Variants in DGKB observed in about 807,000 individuals in gnomAD.
DGKB encodes the protein diacylglycerol kinase beta.
DGKB carries 67 observed loss-of-function variants against 114.3 expected under a neutral mutation model. The observed-to-expected ratio is 0.59, with a 90% CI of 0.48 to 0.72. The LOEUF (loss-of-function observed/expected upper bound fraction) is 0.72. Among genes scored for constraint, DGKB ranks in the 30% least tolerant of loss-of-function variants. The pLI is 0.00. For missense variants in DGKB, 907 were observed against 975.2 expected, an observed-to-expected ratio of 0.93 and a Z score of 0.93; for synonymous variants, 398 against 323.1, an observed-to-expected ratio of 1.23 and a Z score of -2.49.
chr7:14,974,531 T>C (rs963238377), intron 1 of DGKB, among the ~76,000 whole-genome samples: 2 of 152,126 alleles, frequency 1.3e-5, no homozygotes, highest in Non-Finnish European at 2.9e-5. Flanking sequence ...ATCTAGACTA[T>C]TTGTTCCTAT....
At chr7:14,554,136 T>A (rs1192302824) in intron 20 of DGKB, among the ~76,000 whole-genome samples, 2 of 152,086 alleles carry the variant, frequency 1.3e-5, no homozygotes, top group Non-Finnish European at 2.9e-5. Context: ...CCTCCCAAAG[T>A]GCTGGGATTA....
At chr7:14,655,757 C>T (rs1025771840) in intron 13 of DGKB, among the ~76,000 whole-genome samples, 13 of 151,480 alleles carry the variant, frequency 8.6e-5, no homozygotes, top group South Asian at 2.1e-4. Context: ...ACCTGAAGGG[C>T]ATTATGTTAA....
intron 21 of DGKB, among the ~76,000 whole-genome samples, chr7:14,424,932 G>A (rs1326809632): frequency 6.6e-6 from 1 of 152,026 alleles, no homozygotes; most frequent in South Asian, 2.1e-4. Context: ...GATAAGATGA[G>A]TTCACTCTCC....
rs115997759 is a variant in DGKB at position 14,876,009 on chromosome 7, A to G, written c.-188+26583T>C. Among the ~76,000 whole-genome samples, 859 of 152,210 alleles carry G rather than the reference A, an allele frequency of 5.6e-3. 10 individuals are homozygous for G. The highest frequency in any genetic ancestry group is 0.02 in the African/African-American group (818 of 41,528). Reference sequence around the variant, plus strand: ...GGTAAAAAATAAGACCTTTATCACTATCCTGTCTACATTTCTGCCTTTGAG... The same window carrying G: ...GGTAAAAAATAAGACCTTTATCACTGTCCTGTCTACATTTCTGCCTTTGAG... On this transcript the variant is annotated intron_variant, in intron 1 of 25. Coordinates refer to ENST00000402815, the MANE Select transcript of DGKB (RefSeq NM_001350709.2).
At chr7:14,705,458 A>T (rs1826029400) in intron 6 of DGKB, among the ~76,000 whole-genome samples, 1 of 151,648 alleles carries the variant, frequency 6.6e-6, no homozygotes, top group Admixed American at 6.6e-5. Flanking sequence ...GATTCAGGAA[A>T]TACAGAGAAC....
intron 23 of DGKB, among the ~76,000 whole-genome samples, chr7:14,243,378 TA>T (rs1793967272): frequency 6.6e-6 from 1 of 152,152 alleles, no homozygotes; most frequent in Admixed American, 6.5e-5. Context: ...GAGTAAGTGA[TA>T]AAAACTTGTG....
At chr7:14,469,477 G>A (rs1024674728) in intron 21 of DGKB, among the ~76,000 whole-genome samples, 2 of 151,946 alleles carry the variant, frequency 1.3e-5, no homozygotes, top group Admixed American at 6.6e-5. Context: ...AAAAAGGAAG[G>A]GAGAAAAGTT....
At chr7:14,458,256 A>T (rs1312957130) in intron 21 of DGKB, among the ~76,000 whole-genome samples, 1 of 152,184 alleles carries the variant, frequency 6.6e-6, no homozygotes, top group Non-Finnish European at 1.5e-5. Flanking sequence ...AAATTTAATA[A>T]ATTCTTATGA....
At chr7:14,451,628 T>C (rs1322178611) in intron 21 of DGKB, among the ~76,000 whole-genome samples, 1 of 151,968 alleles carries the variant, frequency 6.6e-6, no homozygotes, top group Non-Finnish European at 1.5e-5. Flanking sequence ...AATACTCCTA[T>C]GTTATAAGAA....
chr7:14,695,245 G>A (rs1173120845), intron 8 of DGKB, among the ~76,000 whole-genome samples: 5 of 152,186 alleles, frequency 3.3e-5, no homozygotes, highest in Admixed American at 1.3e-4. Context: ...TAGTAGAAAT[G>A]TATCAATCAT....
At chr7:14,294,721 C>T (rs1277445058) in intron 23 of DGKB, among the ~76,000 whole-genome samples, 1 of 152,068 alleles carries the variant, frequency 6.6e-6, no homozygotes, top group East Asian at 1.9e-4. Flanking sequence ...TTTGTTGCAA[C>T]CTATTATCTG....
At chr7:14,337,797 C>T (rs932894867) in intron 23 of DGKB, among the ~76,000 whole-genome samples, 1 of 152,066 alleles carries the variant, frequency 6.6e-6, no homozygotes, top group African/African-American at 2.4e-5. Flanking sequence ...GAATTACATA[C>T]ATAAACTATT....
At chr7:14,935,591 C>G (rs982894876) in intron 1 of DGKB, among the ~76,000 whole-genome samples, 2 of 152,072 alleles carry the variant, frequency 1.3e-5, no homozygotes, top group Admixed American at 1.3e-4. Context: ...AAAATAGTTA[C>G]TATGTACATG....
chr7:14,666,841 A>G (rs1818115703), intron 13 of DGKB, among the ~76,000 whole-genome samples: 1 of 152,020 alleles, frequency 6.6e-6, no homozygotes, highest in African/African-American at 2.4e-5. Context: ...TAAATCACAC[A>G]TTAAATAAAT....
chr7:14,695,449 T>C (rs1823650913), intron 8 of DGKB, among the ~76,000 whole-genome samples: 1 of 150,382 alleles, frequency 6.6e-6, no homozygotes, highest in Non-Finnish European at 1.5e-5. Flanking sequence ...TCTTCCCTAC[T>C]ACTATTGTAA....
chr7:14,797,554 T>A (rs1841568659), intron 2 of DGKB, among the ~76,000 whole-genome samples: 1 of 152,190 alleles, frequency 6.6e-6, no homozygotes, highest in Non-Finnish European at 1.5e-5. Context: ...ATCAGGCTTT[T>A]TCAGAGGCTC....
chr7:14,629,308 A>G (rs1809238122), intron 14 of DGKB, among the ~76,000 whole-genome samples: 2 of 152,092 alleles, frequency 1.3e-5, no homozygotes, highest in South Asian at 4.1e-4. Flanking sequence ...CTTAGATTAG[A>G]AACATTATAT....
At chr7:14,277,802 A>T (rs1352796171) in intron 23 of DGKB, among the ~76,000 whole-genome samples, 1 of 152,140 alleles carries the variant, frequency 6.6e-6, no homozygotes, top group Non-Finnish European at 1.5e-5. Context: ...GGATTGCTGG[A>T]TCATATAGTA....
intron 20 of DGKB, among the ~76,000 whole-genome samples, chr7:14,495,330 T>C (rs1181826023): frequency 6.6e-6 from 1 of 151,918 alleles, no homozygotes; most frequent in Non-Finnish European, 1.5e-5. Context: ...AAAGGGTATG[T>C]TTCTCAGTAA....
Sources: gnomAD v4.1 joint callset for allele counts (sites outside exome capture counted in the v4.1 genomes callset) on GRCh38, gnomAD v4.1.1 for gene constraint, MANE v1.5 for transcripts, NCBI Gene and HGNC (gene_info 2026-07-23, HGNC 2026-07-21) for gene names.